Variants in PLA2G6 observed in about 807,000 individuals in gnomAD.
PLA2G6 encodes the protein phospholipase A2 group VI.
A neutral mutation model predicts 83.8 loss-of-function variants in PLA2G6; 62 were observed. The observed-to-expected ratio is 0.74, with a 90% confidence interval of 0.60 to 0.91. The LOEUF (loss-of-function observed/expected upper bound fraction) is 0.91. Ranked by LOEUF, PLA2G6 falls within the 40% of genes least tolerant of loss-of-function variation. The probability of loss-of-function intolerance (pLI) is 0.00; values close to 1 mark genes in which losing one functional copy is unlikely to be tolerated. For missense variants in PLA2G6, 944 were observed against 1,102.0 expected (o/e 0.86, Z 2.03); for synonymous variants, 417 against 449.8 (o/e 0.93, Z 0.92).
chr22:38,127,416 G>A (rs755009182), intron 9 of PLA2G6: 12 of 1,325,982 alleles, frequency 9.0e-6, no homozygotes, highest in East Asian at 1.0e-4. Context: ...CCCATCTGAC[G>A]CCGCACCCCA....
chr22:38,171,896 A>C (rs1333128711), intron 1 of PLA2G6, among the ~76,000 whole-genome samples: 1 of 152,024 alleles, frequency 6.6e-6, no homozygotes, highest in Non-Finnish European at 1.5e-5. Context: ...GCCCGGGTTC[A>C]AGCGATCTGC....
At chr22:38,120,948 C>A (rs2087493037) in intron 11 of PLA2G6, 39 bp from the exon 12 acceptor site, 1 of 1,609,550 alleles carries the variant, frequency 6.2e-7, no homozygotes. Flanking sequence ...GATGCAGCGG[C>A]CACACGCAGG....
intron 14 of PLA2G6, chr22:38,113,948 C>T (rs956507551): frequency 2.0e-6 from 1 of 502,430 alleles, no homozygotes; most frequent in East Asian, 4.2e-5. Flanking sequence ...TGATGCTGGC[C>T]CAAGTCAAGT....
At position 38,132,842 on chromosome 22, in the gene PLA2G6, G is replaced by C; in HGVS notation, c.1066C>G (p.Leu356Val). The change falls in exon 7 of 17, where the codon CTG becomes GTG. Residue 356 changes from leucine to valine, a missense_variant. Leu to Val is a conservative substitution (Grantham distance 32). Coordinates refer to ENST00000332509, the MANE Select transcript of PLA2G6 (RefSeq NM_003560.4). The surrounding 1 kb of genome is among the most constrained non-coding windows in gnomAD (Gnocchi z 5.0). ...GGTCCTGGGCTCACCGACATGGCCA[G>C]GTGCAGCGGGGTGTTGCCGTGCTCT... Reference protein sequence around the residue: ...RGEHGNTPLHLAMSKDNVEMI... With the variant: ...RGEHGNTPLHVAMSKDNVEMI... 1 of 1,547,794 alleles carries C rather than the reference G, an allele frequency of 6.5e-7. No individual in the cohort carries two copies. Among genetic ancestry groups the C allele is most frequent in the Non-Finnish European group, 8.7e-7 (1 of 1,147,840 alleles).
At chr22:38,148,387 A>G in intron 2 of PLA2G6, 1 of 649,198 alleles carries the variant, frequency 1.5e-6, no homozygotes, top group East Asian at 2.8e-5. Flanking sequence ...CAGACTAGGG[A>G]ATGTGAAACA....
At chr22:38,159,976 C>G (rs942812771) in intron 2 of PLA2G6, among the ~76,000 whole-genome samples, 6 of 152,152 alleles carry the variant, frequency 3.9e-5, no homozygotes, top group African/African-American at 1.4e-4. Context: ...ACACGTATCA[C>G]TGACAAAAGG....
At chr22:38,142,688 G>A (rs747168825) in intron 4 of PLA2G6, 37 of 310,048 alleles carry the variant, frequency 1.2e-4, no homozygotes, top group African/African-American at 6.2e-4. Context: ...ATTCAAAGCC[G>A]TCCTGGGCTG....
At position 38,113,886 on chromosome 22, in the gene PLA2G6, C is replaced by T. The variant is rs751704574; in HGVS notation, c.2035-232G>A. On this transcript the variant is annotated intron_variant, in intron 14 of 16. Coordinates refer to ENST00000332509, the MANE Select transcript of PLA2G6 (RefSeq NM_003560.4). ...ATCTGCTCAGGACAGCATCTGTGTA[C>T]CAACAGGACCACACATACACCAGCT... 5.8e-5 allele frequency: 38 copies of T among 650,420 alleles called. 1 individual carries two copies. The highest frequency in any genetic ancestry group is 5.6e-4 in the South Asian group (37 of 65,552). 40.3% of individuals were successfully genotyped at this position (650,420 alleles called of 1,614,324 possible).
At chr22:38,124,562 C>T (rs1206953304) in intron 10 of PLA2G6, among the ~76,000 whole-genome samples, 5 of 152,258 alleles carry the variant, frequency 3.3e-5, no homozygotes, top group African/African-American at 1.2e-4. Flanking sequence ...GAGAAGCCTG[C>T]CCTGATGCCA....
At chr22:38,127,817 C>A (rs2087959084) in intron 9 of PLA2G6, among the ~76,000 whole-genome samples, 1 of 152,178 alleles carries the variant, frequency 6.6e-6, no homozygotes, top group African/African-American at 2.4e-5. Flanking sequence ...CTGAAAGTCA[C>A]CACGGGGCCA....
rs1243357897 is a variant in PLA2G6 at position 38,132,453 on chromosome 22, C to T, written c.1077+378G>A. The T allele has an allele frequency of 1.7e-5, 6 of 348,508 alleles. No individual in the cohort carries two copies. The highest frequency in any genetic ancestry group is 6.9e-5 in the East Asian group (1 of 14,540). The allele number at this position is 348,508 out of a possible 1,614,324, so 21.6% of individuals were successfully genotyped here. A position where few individuals can be genotyped will look rare whatever the true frequency, so the allele number is the denominator to read the frequency against. ...GACCAAGTGTCCACCATAACTTTTC[C>T]ACAACTCTTCCAGATAAGTATTGAC... is the stretch of plus-strand genomic sequence containing the variant. On this transcript the variant is annotated intron_variant, in intron 7 of 16. Transcript: ENST00000332509. The surrounding 1 kb of genome is among the most constrained non-coding windows in gnomAD (Gnocchi z 5.0).
chr22:38,124,543 T>C (rs1440725787), intron 10 of PLA2G6, among the ~76,000 whole-genome samples: 1 of 152,162 alleles, frequency 6.6e-6, no homozygotes, highest in Admixed American at 6.5e-5. Context: ...CTCAGCTTGA[T>C]GAAGCTGAGA....
At chr22:38,177,632 T>G (rs142249565) in intron 1 of PLA2G6, among the ~76,000 whole-genome samples, 10,733 of 151,820 alleles carry the variant, frequency 0.071, 662 homozygotes, top group African/African-American at 0.15. Context: ...TCGGCTAATT[T>G]TTTGTATTTT....
intron 7 of PLA2G6, chr22:38,131,345 A>T (rs1328867425): frequency 1.3e-5 from 2 of 152,090 alleles, no homozygotes; most frequent in Admixed American, 6.6e-5. Context: ...TTTTTAAAAA[A>T]TTTTTAATTT....
intron 2 of PLA2G6, among the ~76,000 whole-genome samples, chr22:38,150,943 C>T (rs1246304453): frequency 6.6e-6 from 1 of 152,084 alleles, no homozygotes; most frequent in African/African-American, 2.4e-5. Flanking sequence ...AAAAATTAGT[C>T]AGGTGTAGTG....
intron 1 of PLA2G6, among the ~76,000 whole-genome samples, chr22:38,174,424 G>A (rs923495345): frequency 1.3e-5 from 2 of 148,760 alleles, no homozygotes. Flanking sequence ...AAAAACAAAC[G>A]AAGAAACAAA....
intron 2 of PLA2G6, among the ~76,000 whole-genome samples, chr22:38,153,159 C>T (rs1370561163): frequency 4.6e-5 from 7 of 152,182 alleles, no homozygotes; most frequent in African/African-American, 1.2e-4. Context: ...GGGCTGGGCG[C>T]GGTGGCTCAT....
intron 2 of PLA2G6, chr22:38,147,277 T>A (rs1422607654): frequency 6.3e-6 from 1 of 159,632 alleles, no homozygotes; most frequent in African/African-American, 2.4e-5. Flanking sequence ...ACCATAACCA[T>A]TATATGTCAG....
chr22:38,180,137 GCAGACACACA>G (rs1485837870), intron 1 of PLA2G6, among the ~76,000 whole-genome samples: 1 of 122,758 alleles, frequency 8.1e-6, no homozygotes, highest in Non-Finnish European at 1.6e-5. Flanking sequence ...ATAGATGTCT[GCAGACACACA>G]CACACACACA....
Sources: gnomAD v4.1 joint callset for allele counts (sites outside exome capture counted in the v4.1 genomes callset) on GRCh38, gnomAD v4.1.1 for gene constraint, Gnocchi (gnomAD v3.1) non-coding constraint, MANE v1.5 for transcripts, NCBI Gene and HGNC (gene_info 2026-07-23, HGNC 2026-07-21) for gene names.